ANK2: variants seen among roughly 807,000 people sequenced by gnomAD.
The protein encoded by ANK2 is ankyrin-2.
A neutral mutation model predicts 360.5 loss-of-function variants in ANK2; 83 were observed. The observed-to-expected ratio is 0.23, with a 90% CI of 0.19 to 0.28. The LOEUF (loss-of-function observed/expected upper bound fraction) is 0.28, where lower values mean the gene tolerates loss of function less well. ANK2 is among the 10% of genes least tolerant of loss of function. The probability of loss-of-function intolerance (pLI) is 1.00; values close to 1 mark genes in which losing one functional copy is unlikely to be tolerated. For missense variants in ANK2, 4,201 were observed against 4,795.7 expected (o/e 0.88, Z 3.66); for synonymous variants, 1,740 against 1,759.5 (o/e 0.99, Z 0.28).
In ANK2 at chr4:113,246,473, A is replaced by G. The variant is rs188090337; in HGVS notation, c.892-3291A>G. Among the ~76,000 whole-genome samples the G allele has an allele frequency of 4.1e-4, 63 of 152,300 alleles. 1 individual carries two copies. Among genetic ancestry groups the G allele is most frequent in the Admixed American group, 1.2e-3 (18 of 15,306 alleles). ...CTGGTATCTGAAAGACCTCATTTCA[A>G]TGTGAAAACGTAAATTTTATAGCTA... On this transcript the variant is annotated intron_variant, in intron 9 of 45. Transcript: ENST00000357077.
the ANK2 span, among the ~76,000 whole-genome samples, chr4:112,781,176 G>A: frequency 1.5e-4 from 23 of 152,150 alleles, no homozygotes; most frequent in African/African-American, 5.1e-4. Flanking sequence ...ATTTTTTGTA[G>A]GGAAGGGGTT....
At chr4:113,322,947 A>G (rs2087168639) in intron 26 of ANK2, among the ~76,000 whole-genome samples, 1 of 152,138 alleles carries the variant, frequency 6.6e-6, no homozygotes. Context: ...TTAGATGAGG[A>G]AAGTTTTTTC....
At chr4:113,035,666 G>T (rs2061434125) in intron 2 of ANK2, among the ~76,000 whole-genome samples, 1 of 151,584 alleles carries the variant, frequency 6.6e-6, no homozygotes, top group Non-Finnish European at 1.5e-5. Flanking sequence ...TTTTTATGAA[G>T]AATAAAAATA....
the ANK2 span, among the ~76,000 whole-genome samples, chr4:112,749,680 G>C: frequency 6.6e-6 from 1 of 152,152 alleles, no homozygotes. Context: ...GCAAATTTTA[G>C]ACACTGAGAT....
At position 112,918,970 on chromosome 4, in the gene ANK2, CT is replaced by C. The variant is rs1339560480; in HGVS notation, c.21+14457del. On this transcript the variant is annotated intron_variant, in intron 2 of 30. Coordinates refer to the ANK2 transcript ENST00000503271. Reference sequence around the variant, plus strand: ...TAATATGCTCTGCTTTAATTGACCCCTGATTACTTCTGCTTTCTATGGAATT... The same window carrying C: ...TAATATGCTCTGCTTTAATTGACCCCGATTACTTCTGCTTTCTATGGAATT... 1.1e-4 allele frequency among the ~76,000 whole-genome samples: 16 copies of C among 152,240 alleles called. No homozygotes were observed. In the East Asian group the frequency reaches 3.1e-3, roughly 29 times the overall value.
At position 113,353,025 on chromosome 4, in the gene ANK2, GT is replaced by G. The variant is rs2095517688; in HGVS notation, c.4427-15del. 6.2e-7 allele frequency: 1 copy of G among 1,610,050 alleles called. No individual in the cohort carries two copies. Among genetic ancestry groups the G allele is most frequent in the African/African-American group, 1.3e-5 (1 of 74,756 alleles). ...TTTTGATTTCCATTTTACTTTCAAT[GT>G]TTTTCATTCACATCAAAGATGATGA... On this transcript the variant is annotated intron_variant, in intron 37 of 45. Transcript: ENST00000357077.
the ANK2 span, among the ~76,000 whole-genome samples, chr4:112,714,952 C>A: frequency 6.6e-6 from 1 of 152,172 alleles, no homozygotes; most frequent in South Asian, 2.1e-4. Context: ...ACATAACAAA[C>A]CCCATCAAAC....
At chr4:112,925,649 G>T (rs996814853) in intron 2 of ANK2, among the ~76,000 whole-genome samples, 2 of 152,142 alleles carry the variant, frequency 1.3e-5, no homozygotes, top group Admixed American at 6.5e-5. Context: ...AAATCAAAAG[G>T]TATAAGTATA....
the ANK2 span, chr4:112,788,391 C>T: frequency 0.016 from 25,675 of 1,583,732 alleles, 258 homozygotes; most frequent in Non-Finnish European, 0.019. Context: ...ACAGCCAGCT[C>T]GATGGGATCC....
At chr4:113,206,542 A>G (rs1288613218) in intron 4 of ANK2, among the ~76,000 whole-genome samples, 1 of 152,150 alleles carries the variant, frequency 6.6e-6, no homozygotes, top group East Asian at 1.9e-4. Flanking sequence ...AAATGAAGGC[A>G]GGTACTTGCA....
chr4:113,358,006 C>G lies in ANK2; in HGVS notation c.9388C>G (p.His3130Asp). Residue 3130 changes from histidine (H) to aspartate (D), a missense_variant, in exon 38 of 46, where the codon CAC becomes GAC. By Grantham distance (81) the His-to-Asp change is moderately conservative. Around this residue, in one of 4 missense-constraint regions of ANK2, gnomAD observed 2,642 missense variants for 2,714.5 expected, o/e 0.97. Coordinates refer to ENST00000357077, the MANE Select transcript of ANK2 (RefSeq NM_001148.6). ...AAGGTCCTATGCAGATGAAAGTTTT[C>G]ACTTTTTCCAAATTGGTCAAGAATC... ...TKRSYADESF[H>D]FFQIGQESRE... 1 of 1,614,034 alleles carries G rather than the reference C, an allele frequency of 6.2e-7. No homozygotes were observed. The highest frequency in any genetic ancestry group is 8.5e-7 in the Non-Finnish European group (1 of 1,179,970).
At chr4:113,188,721 A>T (rs1397260917) in intron 2 of ANK2, among the ~76,000 whole-genome samples, 1 of 152,212 alleles carries the variant, frequency 6.6e-6, no homozygotes, top group East Asian at 1.9e-4. Flanking sequence ...GATCCTTAAT[A>T]ACAAAGGCTA....
intron 2 of ANK2, chr4:113,034,433 T>A (rs906002845): frequency 6.6e-6 from 1 of 152,034 alleles, no homozygotes; most frequent in Non-Finnish European, 1.5e-5. Flanking sequence ...GAGAAAAGAC[T>A]GCAGACAATA....
At chr4:113,112,366 C>T (rs747103018) in intron 1 of ANK2, among the ~76,000 whole-genome samples, 1 of 152,204 alleles carries the variant, frequency 6.6e-6, no homozygotes. Flanking sequence ...GTTGCACACT[C>T]ATCTTTGTCC....
At chr4:112,737,375 G>A in the ANK2 span, among the ~76,000 whole-genome samples, 1 of 152,174 alleles carries the variant, frequency 6.6e-6, no homozygotes, top group South Asian at 2.1e-4. Flanking sequence ...CATGCACATA[G>A]AGCACATGGT....
At chr4:112,877,332 A>G (rs542109608) in intron 1 of ANK2, among the ~76,000 whole-genome samples, 28 of 152,318 alleles carry the variant, frequency 1.8e-4, no homozygotes, top group African/African-American at 6.3e-4. Flanking sequence ...TCTATTGCCT[A>G]CTGCCTTTCT....
At chr4:112,815,144 G>GT (rs1412231404), upstream of ANK2, among the ~76,000 whole-genome samples, 1 of 151,986 alleles carries the variant, frequency 6.6e-6, no homozygotes, top group East Asian at 1.9e-4. Context: ...GCCTCCCAAA[G>GT]TGCTGAGATT....
rs553281580 is a variant in ANK2 at position 113,350,173 on chromosome 4, G to A, written c.4405-55G>A. ...TAGGAGCTTTTTGTGCACACCAGGG[G>A]CTATGAGCCAAGGCAGTATTTGTAA... is the stretch of plus-strand genomic sequence containing the variant. On this transcript the variant is annotated intron_variant, in intron 36 of 45. Transcript: ENST00000357077. 7.2e-6 allele frequency: 11 copies of A among 1,534,504 alleles called. No individual in the cohort carries two copies. The East Asian group carries it at 1.8e-4, about 25-fold the overall frequency.
chr4:113,216,695 A>C (rs1238363437), intron 4 of ANK2, among the ~76,000 whole-genome samples: 4 of 152,164 alleles, frequency 2.6e-5, no homozygotes, highest in Admixed American at 6.5e-5. Flanking sequence ...GAAGAACAAC[A>C]CTCAGAACAT....
Sources: allele counts gnomAD v4.1 joint callset (sites outside exome capture counted in the v4.1 genomes callset), GRCh38; gene constraint gnomAD v4.1.1; regional missense constraint gnomAD v4.1.1; transcripts MANE v1.5; gene names NCBI Gene and HGNC (gene_info 2026-07-23, HGNC 2026-07-21).